The following DKK2 variants were observed in gnomAD, a reference collection of about 807,000 sequenced individuals.
DKK2 encodes the protein dickkopf Wnt signaling pathway inhibitor 2.
A neutral mutation model predicts 28.1 loss-of-function variants in DKK2; 11 were observed. The ratio of observed to expected loss-of-function variants is 0.39; its 90% CI spans 0.25 to 0.65. The LOEUF (loss-of-function observed/expected upper bound fraction) is 0.65. DKK2 is among the 30% of genes least tolerant of loss of function. The probability of loss-of-function intolerance (pLI) is 0.47; values close to 1 mark genes in which losing one functional copy is unlikely to be tolerated. For synonymous variants in DKK2, 135 were observed against 126.5 expected (o/e 1.07, Z -0.45); for missense variants, 326 against 335.5 (o/e 0.97, Z 0.22).
At chr4:107,004,632 A>C (rs1473521610) in intron 1 of DKK2, among the ~76,000 whole-genome samples, 1 of 152,222 alleles carries the variant, frequency 6.6e-6, no homozygotes, top group East Asian at 1.9e-4. Context: ...GGTAGGCAGA[A>C]TAATAGTCCC....
intron 1 of DKK2, among the ~76,000 whole-genome samples, chr4:106,955,759 G>A (rs1325045300): frequency 6.6e-6 from 1 of 152,012 alleles, no homozygotes; most frequent in East Asian, 1.9e-4. Flanking sequence ...TTGGTACTAA[G>A]CTATTTTACC....
intron 1 of DKK2, among the ~76,000 whole-genome samples, chr4:106,927,733 C>T (rs961714952): frequency 6.6e-6 from 1 of 152,044 alleles, no homozygotes; most frequent in Non-Finnish European, 1.5e-5. Context: ...AGCATTTTAC[C>T]CCCTTCACAT....
At chr4:107,026,291 T>C (rs1042042974) in intron 1 of DKK2, among the ~76,000 whole-genome samples, 19 of 152,194 alleles carry the variant, frequency 1.2e-4, no homozygotes, top group African/African-American at 4.1e-4. Context: ...CTTATCAGGT[T>C]GAAAGTAAAT....
intron 1 of DKK2, among the ~76,000 whole-genome samples, chr4:106,943,305 C>A (rs1421303550): frequency 1.3e-5 from 2 of 152,210 alleles, no homozygotes; most frequent in South Asian, 4.1e-4. Context: ...TCTTTCATTT[C>A]TGTATCTTCA....
In DKK2 at chr4:107,006,792, TTAAA is replaced by T. The variant is rs548214386; in HGVS notation, c.222+28574_222+28577del. Among the ~76,000 whole-genome samples, 56 of 152,308 alleles carry T rather than the reference TTAAA, an allele frequency of 3.7e-4. No homozygotes were observed. The South Asian group carries it at 6.6e-3, about 18-fold the overall frequency. On this transcript the variant is annotated intron_variant, in intron 1 of 3. Coordinates refer to ENST00000285311, the MANE Select transcript of DKK2 (RefSeq NM_014421.3). ...TGAAAATTAAGGACATGTATAACTG[TTAAA>T]TAAAAACCTTTTGGCTAAAATATTG... is the stretch of plus-strand genomic sequence containing the variant.
At chr4:107,028,736 A>G (rs150560198) in intron 1 of DKK2, among the ~76,000 whole-genome samples, 165 of 152,328 alleles carry the variant, frequency 1.1e-3, no homozygotes, top group African/African-American at 3.6e-3. Flanking sequence ...AGCAAAAGCA[A>G]TACAAGACTC....
intron 1 of DKK2, among the ~76,000 whole-genome samples, chr4:107,018,624 C>T (rs1723645631): frequency 6.6e-6 from 1 of 152,006 alleles, no homozygotes; most frequent in South Asian, 2.1e-4. Flanking sequence ...AACATGTGCA[C>T]ATTCCAAAAA....
intron 1 of DKK2, among the ~76,000 whole-genome samples, chr4:106,956,369 A>G (rs1170680211): frequency 6.6e-6 from 1 of 152,154 alleles, no homozygotes; most frequent in East Asian, 1.9e-4. Context: ...TCAAGCTACC[A>G]ATGACTTTCT....
At chr4:106,932,879 G>A (rs1724523364) in intron 1 of DKK2, among the ~76,000 whole-genome samples, 1 of 152,064 alleles carries the variant, frequency 6.6e-6, no homozygotes. Flanking sequence ...ACATGGTAGG[G>A]CAAAATTTGG....
intron 1 of DKK2, among the ~76,000 whole-genome samples, chr4:107,021,946 C>T (rs932549114): frequency 1.3e-5 from 2 of 151,980 alleles, no homozygotes; most frequent in Non-Finnish European, 2.9e-5. Flanking sequence ...TACTAAAATC[C>T]CTTGATTACA....
chr4:106,988,916 AAG>A (rs1275905125), intron 1 of DKK2, among the ~76,000 whole-genome samples: 4 of 152,168 alleles, frequency 2.6e-5, no homozygotes, highest in African/African-American at 4.8e-5. Context: ...CTAATGGGCC[AAG>A]TAGCACTGGG....
intron 1 of DKK2, among the ~76,000 whole-genome samples, chr4:107,017,022 A>G (rs1008672250): frequency 1.3e-5 from 2 of 151,998 alleles, no homozygotes; most frequent in African/African-American, 4.8e-5. Flanking sequence ...GAGCGACTAG[A>G]GATGGTGAGG....
At chr4:107,008,667 G>A (rs1723473705) in intron 1 of DKK2, among the ~76,000 whole-genome samples, 1 of 151,984 alleles carries the variant, frequency 6.6e-6, no homozygotes, top group South Asian at 2.1e-4. Flanking sequence ...AGATCAAAGA[G>A]AGAGGGCCAA....
chr4:106,991,568 C>T (rs1275795627), intron 1 of DKK2, among the ~76,000 whole-genome samples: 1 of 152,148 alleles, frequency 6.6e-6, no homozygotes, highest in Non-Finnish European at 1.5e-5. Flanking sequence ...TTGAATTTAA[C>T]CTACATTTCT....
chr4:106,948,427 G>T (rs764698007), intron 1 of DKK2, among the ~76,000 whole-genome samples: 1 of 152,114 alleles, frequency 6.6e-6, no homozygotes, highest in Non-Finnish European at 1.5e-5. Flanking sequence ...TTAATTATAG[G>T]TTTTATTAAC....
At chr4:106,930,906 C>A (rs1462089262) in intron 1 of DKK2, among the ~76,000 whole-genome samples, 2 of 152,124 alleles carry the variant, frequency 1.3e-5, no homozygotes, top group Non-Finnish European at 2.9e-5. Context: ...GAAACCTGAT[C>A]GGACTGGCTT....
chr4:107,035,863 G>C lies in DKK2; in HGVS notation c.-272C>G, dbSNP rs992978769. ...GCAATCAAATGCGAGGCGCTTTCTC[G>C]CCAAGGAGGCGTGACCCAAGGTGCA... On this transcript the variant is annotated 5_prime_UTR_variant, in exon 1 of 4. Coordinates refer to ENST00000285311, the MANE Select transcript of DKK2 (RefSeq NM_014421.3). 6.0e-6 allele frequency: 3 copies of C among 500,760 alleles called. No homozygotes were observed. Among genetic ancestry groups the C allele is most frequent in the Non-Finnish European group, 1.1e-5 (3 of 276,526 alleles). The allele number at this position is 500,760 out of a possible 1,614,324, so 31.0% of individuals were successfully genotyped here. A position where few individuals can be genotyped will look rare whatever the true frequency, so the allele number is the denominator to read the frequency against.
At chr4:107,024,799 TA>T (rs1157447799) in intron 1 of DKK2, among the ~76,000 whole-genome samples, 15 of 152,304 alleles carry the variant, frequency 9.8e-5, no homozygotes, top group African/African-American at 3.1e-4. Flanking sequence ...TGCATATTTT[TA>T]AAAAATAGGC....
intron 1 of DKK2, among the ~76,000 whole-genome samples, chr4:106,942,185 T>C (rs1724710255): frequency 1.3e-5 from 2 of 152,124 alleles, no homozygotes; most frequent in Non-Finnish European, 2.9e-5. Flanking sequence ...AGAAATGTGG[T>C]ACATCTTGTG....
Sources: gnomAD v4.1 joint callset for allele counts (sites outside exome capture counted in the v4.1 genomes callset) on GRCh38, gnomAD v4.1.1 for gene constraint, MANE v1.5 for transcripts, NCBI Gene and HGNC (gene_info 2026-07-23, HGNC 2026-07-21) for gene names.